Variants in ANO5 observed in about 807,000 individuals in gnomAD.
The protein encoded by ANO5 is anoctamin 5, also known as anoctamin-5.
In ANO5, 109 loss-of-function variants were observed where a neutral mutation model predicts 121.0. That is an observed-to-expected ratio of 0.90 (90% CI 0.77 to 1.06). The LOEUF (loss-of-function observed/expected upper bound fraction) is 1.06, where lower values mean the gene tolerates loss of function less well. Ranked by LOEUF, ANO5 falls within the 50% of genes least tolerant of loss-of-function variation. The pLI is 0.00. For synonymous variants in ANO5, 406 were observed against 359.9 expected (o/e 1.13, Z -1.45); for missense variants, 1,064 against 1,078.5 (o/e 0.99, Z 0.19).
At chr11:22,243,909 A>G (rs908250916) in intron 9 of ANO5, among the ~76,000 whole-genome samples, 2 of 21,794 alleles carry the variant, frequency 9.2e-5, no homozygotes, top group Non-Finnish European at 6.6e-4. Context: ...CTCAGCATCC[A>G]GTGTTAGTAT....
chr11:22,257,155 A>G (rs1373368388), intron 13 of ANO5, among the ~76,000 whole-genome samples: 1 of 151,860 alleles, frequency 6.6e-6, no homozygotes, highest in Admixed American at 6.6e-5. Context: ...TTCTTGATGC[A>G]CCTAAGAATG....
At chr11:22,257,604 T>G in intron 13 of ANO5, 76 bp from the exon 14 acceptor site, 75 of 1,198,284 alleles carry the variant, frequency 6.3e-5, no homozygotes, top group Non-Finnish European at 8.1e-5. Flanking sequence ...CTGGGCTCTG[T>G]GATATTGACT....
chr11:22,252,029 C>CAAAAAAAAAAAAAAAAAAAA (rs10525160), intron 12 of ANO5, among the ~76,000 whole-genome samples: 4 of 45,854 alleles, frequency 8.7e-5, no homozygotes, highest in African/African-American at 2.7e-4. Flanking sequence ...GACGCCGTCT[C>CAAAAAAAAAAAAAAAAAAAA]AAAAAAAAAA....
chr11:22,269,320 A>C (rs1024709415), intron 17 of ANO5, among the ~76,000 whole-genome samples: 1 of 102,298 alleles, frequency 9.8e-6, no homozygotes, highest in Non-Finnish European at 1.9e-5. Flanking sequence ...GGAAGGAAGG[A>C]GAAAAAAAGA....
At chr11:22,246,758 A>C (rs1853632045) in intron 9 of ANO5, among the ~76,000 whole-genome samples, 1 of 146,644 alleles carries the variant, frequency 6.8e-6, no homozygotes, top group South Asian at 2.3e-4. Context: ...TTGGAGGCTG[A>C]GGCAGGAGAA....
intron 1 of ANO5, among the ~76,000 whole-genome samples, chr11:22,201,078 T>C (rs1851951550): frequency 6.6e-6 from 1 of 152,210 alleles, no homozygotes; most frequent in Non-Finnish European, 1.5e-5. Flanking sequence ...AGATTACTTA[T>C]AATATGTAAT....
chr11:22,193,247 G>A lies in ANO5; in HGVS notation c.-246G>A. The A allele has an allele frequency of 8.8e-7, 1 of 1,139,068 alleles. No individual in the cohort carries two copies. The highest frequency in any genetic ancestry group is 1.1e-6 in the Non-Finnish European group (1 of 919,514). 70.6% of individuals were successfully genotyped at this position (1,139,068 alleles called of 1,614,324 possible). A position where few individuals can be genotyped will look rare whatever the true frequency, so the allele number is the denominator to read the frequency against. On this transcript the variant is annotated 5_prime_UTR_variant, in exon 1 of 22. Transcript: ENST00000324559. The stretch of plus-strand genomic sequence containing the variant: ...CAAGCGCGCGAAGCAGGTTGTGGGG[G>A]ACCGGGTCGAGTGGAAGTACCCGCC...
At chr11:22,210,201 C>G (rs953611271) in intron 2 of ANO5, among the ~76,000 whole-genome samples, 1 of 151,910 alleles carries the variant, frequency 6.6e-6, no homozygotes, top group Non-Finnish European at 1.5e-5. Flanking sequence ...TTCAGTATTA[C>G]TTTAGTACAA....
At chr11:22,214,782 G>A (rs1054093087) in intron 3 of ANO5, among the ~76,000 whole-genome samples, 1 of 151,988 alleles carries the variant, frequency 6.6e-6, no homozygotes, top group African/African-American at 2.4e-5. Context: ...AGAGAGGAGT[G>A]GAGAGGGAAT....
At chr11:22,211,515 C>T (rs773616308) in intron 3 of ANO5, among the ~76,000 whole-genome samples, 12 of 151,722 alleles carry the variant, frequency 7.9e-5, no homozygotes, top group African/African-American at 2.2e-4. Context: ...GTGAGAATGA[C>T]GCACTGAGTA....
chr11:22,247,787 G>A (rs779020674), intron 9 of ANO5, among the ~76,000 whole-genome samples: 2 of 152,062 alleles, frequency 1.3e-5, no homozygotes, highest in Non-Finnish European at 2.9e-5. Flanking sequence ...TGCTAAGATT[G>A]AGAAAAATGG....
At chr11:22,277,307 A>G (rs1854895551) in intron 21 of ANO5, among the ~76,000 whole-genome samples, 1 of 151,620 alleles carries the variant, frequency 6.6e-6, no homozygotes, top group Non-Finnish European at 1.5e-5. Flanking sequence ...AAGTATTTTG[A>G]TAATTTATTT....
In ANO5 at chr11:22,211,298, T is replaced by C. The variant is rs1428935323; in HGVS notation, c.122T>C (p.Ile41Thr). 1.2e-6 allele frequency: 2 copies of C among 1,612,212 alleles called. No individual in the cohort carries two copies. The change falls in exon 3 of 22, where the codon ATC (isoleucine) becomes ACC (threonine). Residue 41 changes from isoleucine (I) to threonine (T), a missense_variant. Transcript: ENST00000324559. ...AGCAGCAGAGAGACCAGCTTTCTCA[T>C]CAATGAAGAAACAATGGTAAGCAGC... is the stretch of plus-strand genomic sequence containing the variant. ...SLSSRETSFL[I>T]NEETMPAKRF...
chr11:22,221,908 T>G (rs1042129467), intron 5 of ANO5, among the ~76,000 whole-genome samples: 2 of 152,026 alleles, frequency 1.3e-5, no homozygotes, highest in Non-Finnish European at 2.9e-5. Flanking sequence ...GAAGATATTA[T>G]TCCCACAAGA....
intron 21 of ANO5, among the ~76,000 whole-genome samples, chr11:22,277,426 T>C (rs1192849391): frequency 9.2e-5 from 14 of 151,640 alleles, no homozygotes. Flanking sequence ...CCTGAGACCC[T>C]GCTGGTTTAT....
At chr11:22,206,448 A>G (rs1395929474) in intron 2 of ANO5, among the ~76,000 whole-genome samples, 1 of 151,928 alleles carries the variant, frequency 6.6e-6, no homozygotes, top group African/African-American at 2.4e-5. Context: ...GAGTAGCTGG[A>G]ACTACAGGTG....
chr11:22,210,624 G>A (rs1852246789), intron 2 of ANO5, among the ~76,000 whole-genome samples: 1 of 151,812 alleles, frequency 6.6e-6, no homozygotes, highest in African/African-American at 2.4e-5. Context: ...TGTGTCCTGT[G>A]GTGTGTGGAC....
At chr11:22,257,843 T>C in intron 14 of ANO5, 89 bp downstream of exon 14, 1 of 1,114,464 alleles carries the variant, frequency 9.0e-7, no homozygotes, top group Non-Finnish European at 1.3e-6. Flanking sequence ...GTCTCTTGAG[T>C]CTTTCCTTTC....
intron 9 of ANO5, among the ~76,000 whole-genome samples, chr11:22,247,234 G>A (rs1853656749): frequency 6.6e-6 from 1 of 152,116 alleles, no homozygotes; most frequent in Non-Finnish European, 1.5e-5. Flanking sequence ...AGCATTGTGT[G>A]TTTGTTTAGT....
Sources: allele counts gnomAD v4.1 joint callset (sites outside exome capture counted in the v4.1 genomes callset), GRCh38; gene constraint gnomAD v4.1.1; transcripts MANE v1.5; gene names NCBI Gene and HGNC (gene_info 2026-07-23, HGNC 2026-07-21).